The following ACOXL variants were observed in gnomAD, a reference collection of about 807,000 sequenced individuals.
ACOXL encodes acyl-coenzyme A oxidase-like protein.
A neutral mutation model predicts 71.9 loss-of-function variants in ACOXL; 70 were observed. The observed-to-expected ratio is 0.97, with a 90% CI of 0.80 to 1.19. The LOEUF (loss-of-function observed/expected upper bound fraction) is 1.19, where lower values mean the gene tolerates loss of function less well. Among genes scored for constraint, ACOXL ranks in the 50% most tolerant of loss-of-function variants. The pLI is 0.00. For missense variants in ACOXL, 703 were observed against 736.3 expected, an observed-to-expected ratio of 0.95 and a Z score of 0.52; for synonymous variants, 253 against 281.6, an observed-to-expected ratio of 0.90 and a Z score of 1.02.
At chr2:110,938,122 G>A (rs1274430136) in intron 12 of ACOXL, among the ~76,000 whole-genome samples, 1 of 152,174 alleles carries the variant, frequency 6.6e-6, no homozygotes, top group Non-Finnish European at 1.5e-5. Flanking sequence ...TGGAGGGTCC[G>A]CAAGCAGTGC....
intron 14 of ACOXL, among the ~76,000 whole-genome samples, chr2:111,025,603 T>G (rs1449643210): frequency 6.6e-6 from 1 of 152,232 alleles, no homozygotes; most frequent in African/African-American, 2.4e-5. Context: ...TCATTTTGTC[T>G]TCTTTGGTGA....
intron 10 of ACOXL, chr2:110,886,874 T>A (rs1189447447): frequency 6.4e-7 from 1 of 1,550,460 alleles, no homozygotes; most frequent in Non-Finnish European, 8.7e-7. Flanking sequence ...AAACTGGTTT[T>A]TGCTAACGTT....
chr2:110,881,200 T>G (rs1696598501), intron 10 of ACOXL, among the ~76,000 whole-genome samples: 1 of 151,792 alleles, frequency 6.6e-6, no homozygotes, highest in African/African-American at 2.4e-5. Flanking sequence ...ATCACATACA[T>G]ATCATATATG....
intron 14 of ACOXL, among the ~76,000 whole-genome samples, chr2:111,001,291 T>C (rs2063615087): frequency 1.3e-5 from 2 of 152,208 alleles, no homozygotes; most frequent in East Asian, 3.8e-4. Flanking sequence ...AAGAGAATTA[T>C]ATCAGGCAAA....
intron 2 of ACOXL, among the ~76,000 whole-genome samples, chr2:110,778,498 C>G (rs1682931866): frequency 6.6e-6 from 1 of 152,216 alleles, no homozygotes; most frequent in Non-Finnish European, 1.5e-5. Context: ...TTCTCACCAT[C>G]ATGCAGTGGT....
chr2:111,091,115 G>C (rs2068499557), intron 16 of ACOXL, among the ~76,000 whole-genome samples: 1 of 152,122 alleles, frequency 6.6e-6, no homozygotes, highest in Non-Finnish European at 1.5e-5. Context: ...GAGGGTCACA[G>C]CTCCTCTTAA....
rs1688291089 is a variant in ACOXL at position 110,818,933 on chromosome 2, A to T, written c.753+13538A>T. Among the ~76,000 whole-genome samples the T allele has an allele frequency of 1.6e-5, 2 of 126,194 alleles. 1 individual carries two copies. The highest frequency in any genetic ancestry group is 3.8e-5 in the Non-Finnish European group (2 of 52,852). 82.8% of individuals were successfully genotyped at this position (126,194 alleles called of 152,430 possible). A position where few individuals can be genotyped will look rare whatever the true frequency, so the allele number is the denominator to read the frequency against. On this transcript the variant is annotated intron_variant, in intron 9 of 17. Transcript: ENST00000439055. ...CCTGTTGGGCAGGCACAAAGAGGAC[A>T]GGCTGCATTCTGAGAAGTAATTTTC...
chr2:110,771,421 C>G (rs1681910400), intron 2 of ACOXL, among the ~76,000 whole-genome samples: 1 of 152,148 alleles, frequency 6.6e-6, no homozygotes, highest in Admixed American at 6.5e-5. Context: ...TCATGTTGCT[C>G]TCCACTTTTG....
At chr2:110,786,352 G>A (rs1306457811) in intron 3 of ACOXL, among the ~76,000 whole-genome samples, 1 of 152,214 alleles carries the variant, frequency 6.6e-6, no homozygotes, top group East Asian at 1.9e-4. Flanking sequence ...GTGCCATCTT[G>A]TCGTGAGGGT....
intron 14 of ACOXL, among the ~76,000 whole-genome samples, chr2:111,024,163 G>T (rs1423261216): frequency 6.6e-6 from 1 of 152,174 alleles, no homozygotes; most frequent in African/African-American, 2.4e-5. Context: ...CCATGACAAA[G>T]AAGGGCCAGG....
chr2:111,092,998 GT>G (rs752612257), intron 17 of ACOXL, 32 bp downstream of exon 17: 1 of 1,551,130 alleles, frequency 6.4e-7, no homozygotes, highest in Non-Finnish European at 8.9e-7. Flanking sequence ...AAAACACTTT[GT>G]ACATCAGCCC....
At chr2:111,051,313 G>A (rs1022461402) in intron 16 of ACOXL, among the ~76,000 whole-genome samples, 3 of 152,152 alleles carry the variant, frequency 2.0e-5, no homozygotes, top group Non-Finnish European at 4.4e-5. Context: ...CCTATTCAGG[G>A]TGACAGTAGA....
chr2:111,117,891 C>A lies in ACOXL; in HGVS notation c.*75C>A. 6.8e-7 allele frequency: 1 copy of A among 1,463,802 alleles called. No individual in the cohort carries two copies. The highest frequency in any genetic ancestry group is 9.1e-7 in the Non-Finnish European group (1 of 1,101,776). The allele number at this position is 1,463,802 out of a possible 1,614,324, so 90.7% of individuals were successfully genotyped here. The stretch of plus-strand genomic sequence containing the variant: ...GCTCCACCGACGCCCAGAGCTGTGG[C>A]CGAGGCCGGGGGCTGGCACCCGCTG... On this transcript the variant is annotated 3_prime_UTR_variant, in exon 18 of 18. Transcript: ENST00000439055.
At chr2:111,045,502 G>T (rs569715275) in intron 15 of ACOXL, among the ~76,000 whole-genome samples, 2 of 152,336 alleles carry the variant, frequency 1.3e-5, no homozygotes, top group South Asian at 4.1e-4. Context: ...GCCACGTGAA[G>T]GACGTGTTTG....
chr2:111,047,283 GA>G (rs540244266), intron 15 of ACOXL, among the ~76,000 whole-genome samples: 13 of 152,218 alleles, frequency 8.5e-5, no homozygotes, highest in Admixed American at 4.6e-4. Flanking sequence ...CAGGCAGTGA[GA>G]AGTATGAACA....
At chr2:110,881,411 TTTG>T (rs1198305636) in intron 10 of ACOXL, among the ~76,000 whole-genome samples, 1 of 152,162 alleles carries the variant, frequency 6.6e-6, no homozygotes, top group African/African-American at 2.4e-5. Flanking sequence ...CAAAAATTAT[TTTG>T]TTAACTCTTT....
chr2:110,984,231 C>T (rs551496307), intron 12 of ACOXL, among the ~76,000 whole-genome samples: 4 of 151,980 alleles, frequency 2.6e-5, no homozygotes, highest in African/African-American at 4.8e-5. Context: ...TGTGAGTCTA[C>T]GATTATTTTT....
intron 12 of ACOXL, among the ~76,000 whole-genome samples, chr2:110,950,648 G>A (rs913252991): frequency 3.9e-5 from 6 of 152,188 alleles, no homozygotes; most frequent in Non-Finnish European, 8.8e-5. Flanking sequence ...AAGGAAACAA[G>A]AAGGTTGGTG....
At chr2:110,818,834 C>CAAGGGTTTTG (rs1573669668) in intron 9 of ACOXL, among the ~76,000 whole-genome samples, 1 of 127,456 alleles carries the variant, frequency 7.8e-6, no homozygotes, top group African/African-American at 2.5e-5. Context: ...GTGCTGATGT[C>CAAGGGTTTTG]AGCACCCTGG....
Sources: gnomAD v4.1 joint callset for allele counts (sites outside exome capture counted in the v4.1 genomes callset) on GRCh38, gnomAD v4.1.1 for gene constraint, MANE v1.5 for transcripts, NCBI Gene and HGNC (gene_info 2026-07-23, HGNC 2026-07-21) for gene names.